The following ABCA6 variants were observed in gnomAD, a reference collection of about 807,000 sequenced individuals.
ABCA6 encodes ATP binding cassette subfamily A member 6.
In ABCA6, 164 loss-of-function variants were observed where a neutral mutation model predicts 191.2. That is an observed-to-expected ratio of 0.86 (90% CI 0.76 to 0.98). The LOEUF (loss-of-function observed/expected upper bound fraction) is 0.98, where lower values mean the gene tolerates loss of function less well. Among genes scored for constraint, ABCA6 ranks in the 50% least tolerant of loss-of-function variants. The pLI is 0.00. For missense variants in ABCA6, 1,958 were observed against 1,894.1 expected, an observed-to-expected ratio of 1.03 and a Z score of -0.63; for synonymous variants, 636 against 647.7, an observed-to-expected ratio of 0.98 and a Z score of 0.27.
At position 69,085,718 on chromosome 17, in the gene ABCA6, T is replaced by C; in HGVS notation, c.3938-2A>G. 6.3e-7 allele frequency: 1 copy of C among 1,582,938 alleles called. No homozygotes were observed. The highest frequency in any genetic ancestry group is 8.7e-7 in the Non-Finnish European group (1 of 1,154,160). ...GTCCTAGCAATCCCAAAATTTCACC[T>C]GAAAGAAAGAATCAGACTATCAATA... On this transcript the variant is annotated splice_acceptor_variant, in intron 30 of 38. Coordinates refer to ENST00000284425, the MANE Select transcript of ABCA6 (RefSeq NM_080284.3). LOFTEE classifies it high-confidence loss of function.
chr17:69,079,046 TC>T lies in ABCA6; in HGVS notation c.4780del (p.Glu1594LysfsTer2). The T allele has an allele frequency of 6.2e-7, 1 of 1,612,154 alleles. No homozygotes were observed. Among genetic ancestry groups the T allele is most frequent in the East Asian group, 2.2e-5 (1 of 44,742 alleles). On this transcript the variant is annotated frameshift_variant, in exon 39 of 39. Transcript: ENST00000284425. LOFTEE classifies it low-confidence loss of function (END_TRUNC). The part of the protein sequence containing the change: ...KVFLELSKEQ[E>X]VGNFDEEIDT... ...AATTTCTTCATCAAAATTTCCTACT[TC>T]CTGTTCTTTAGAAAGCTCTAAGAAT...
At chr17:69,132,967 T>C (rs1446331587) in intron 6 of ABCA6, among the ~76,000 whole-genome samples, 1 of 152,218 alleles carries the variant, frequency 6.6e-6, no homozygotes, top group Admixed American at 6.5e-5. Flanking sequence ...ATAGCACATA[T>C]GTATGTGTAC....
intron 22 of ABCA6, 120 bp downstream of exon 22, chr17:69,100,677 G>A (rs1014948936): frequency 1.8e-6 from 2 of 1,112,414 alleles, no homozygotes; most frequent in African/African-American, 1.6e-5. Flanking sequence ...GAAAATATTA[G>A]GATAAAATAA....
rs1339138386 is a variant in ABCA6, at chr17:69,113,616, A to G, written c.1902+2T>C. ...TCCTTCCCCATGCATAATCTCACTTACTTGAGGATCTCCTAAAATGGTAAT... is the reference window on the plus strand; with the variant it reads ...TCCTTCCCCATGCATAATCTCACTTGCTTGAGGATCTCCTAAAATGGTAAT... On this transcript the variant is annotated splice_donor_variant, in intron 14 of 38. Coordinates refer to ENST00000284425, the MANE Select transcript of ABCA6 (RefSeq NM_080284.3). LOFTEE classifies it high-confidence loss of function. The G allele has an allele frequency of 1.9e-6, 3 of 1,612,880 alleles. No individual in the cohort carries two copies. The highest frequency in any genetic ancestry group is 2.5e-6 in the Non-Finnish European group (3 of 1,179,292).
intron 11 of ABCA6, among the ~76,000 whole-genome samples, chr17:69,117,648 C>A (rs1467437222): frequency 1.3e-5 from 2 of 151,924 alleles, no homozygotes; most frequent in Non-Finnish European, 2.9e-5. Flanking sequence ...GCAGATTAAT[C>A]TTTAAAAACA....
At chr17:69,137,950 C>T (rs1012280191) in intron 2 of ABCA6, among the ~76,000 whole-genome samples, 1 of 152,158 alleles carries the variant, frequency 6.6e-6, no homozygotes, top group Non-Finnish European at 1.5e-5. Flanking sequence ...TTGCTGTTCA[C>T]CAATGTCAAT....
Position 69,106,114 on chromosome 17 carries a change from G to A in ABCA6, c.2487C>T (p.Asp829=). Residue 829 remains aspartate, a synonymous_variant, in exon 19 of 39, where the codon GAC becomes GAT. Transcript: ENST00000284425. ...SFSEMQTAVS[D]MGLWRMQVFA... is the part of the protein sequence containing the mutation. ...AGACTTGCATTCTCCAGAGGCCCATGTCACTCACAGCTGTCTGCATTTCAG... is the reference window on the plus strand; with the variant it reads ...AGACTTGCATTCTCCAGAGGCCCATATCACTCACAGCTGTCTGCATTTCAG... 1.2e-6 allele frequency: 2 copies of A among 1,613,904 alleles called. No individual in the cohort carries two copies. Among genetic ancestry groups the A allele is most frequent in the Non-Finnish European group, 1.7e-6 (2 of 1,179,884 alleles).
At chr17:69,118,517 T>C (rs1370909369) in intron 10 of ABCA6, among the ~76,000 whole-genome samples, 1 of 152,030 alleles carries the variant, frequency 6.6e-6, no homozygotes, top group East Asian at 1.9e-4. Context: ...TCCTCTTCAA[T>C]TGCACTCTGA....
At chr17:69,105,067 A>G (rs1425905374) in intron 20 of ABCA6, 3 of 177,434 alleles carry the variant, frequency 1.7e-5, no homozygotes, top group Non-Finnish European at 1.2e-5. Context: ...ATGAAGGGGC[A>G]TGGGGAATAG....
intron 32 of ABCA6, 53 bp downstream of exon 32, chr17:69,084,975 T>C (rs1301415422): frequency 1.9e-6 from 3 of 1,551,900 alleles, no homozygotes; most frequent in African/African-American, 2.8e-5. Flanking sequence ...TCATCATCAG[T>C]GCTACAGTCT....
chr17:69,123,698 A>G (rs953273517), intron 9 of ABCA6, among the ~76,000 whole-genome samples: 11 of 152,202 alleles, frequency 7.2e-5, no homozygotes, highest in Admixed American at 3.9e-4. Flanking sequence ...TTCGAATAAA[A>G]TATTAGGTGT....
At chr17:69,114,105 A>C (rs2073487601) in intron 13 of ABCA6, among the ~76,000 whole-genome samples, 1 of 152,176 alleles carries the variant, frequency 6.6e-6, no homozygotes, top group African/African-American at 2.4e-5. Context: ...CTATAAAGAC[A>C]CATGCACACG....
chr17:69,090,383 C>CAAAA (rs1228207279), intron 26 of ABCA6, among the ~76,000 whole-genome samples: 2 of 152,220 alleles, frequency 1.3e-5, no homozygotes, highest in Non-Finnish European at 2.9e-5. Flanking sequence ...TGCCTCCTGG[C>CAAAA]TTTTCCTGCT....
chr17:69,105,404 T>G (rs2073275236), intron 20 of ABCA6, 58 bp downstream of exon 20: 21 of 1,434,692 alleles, frequency 1.5e-5, no homozygotes, highest in East Asian at 2.5e-5. Context: ...CCACCTCCTG[T>G]GCTATTCAAC....
intron 6 of ABCA6, among the ~76,000 whole-genome samples, chr17:69,130,391 T>C (rs1047869515): frequency 2.6e-5 from 4 of 152,044 alleles, no homozygotes; most frequent in Non-Finnish European, 5.9e-5. Flanking sequence ...CGTTGGTACC[T>C]ACGTGTTAGG....
At chr17:69,110,282 T>C (rs1216368547) in intron 17 of ABCA6, 1 of 152,572 alleles carries the variant, frequency 6.6e-6, no homozygotes, top group Admixed American at 6.5e-5. Context: ...ACACCTCTTC[T>C]GCATTCACCT....
intron 2 of ABCA6, among the ~76,000 whole-genome samples, chr17:69,139,465 G>A: frequency 6.6e-6 from 1 of 152,174 alleles, no homozygotes; most frequent in Admixed American, 6.5e-5. Flanking sequence ...TGGAGAGGAT[G>A]TGGAGAAATA....
intron 18 of ABCA6, 65 bp from the exon 19 acceptor site, chr17:69,106,276 G>A (rs566595446): frequency 7.0e-7 from 1 of 1,428,218 alleles, no homozygotes; most frequent in Admixed American, 2.3e-5. Flanking sequence ...AGGCATCACA[G>A]ATTTTCCTTA....
rs566663943 is a variant in ABCA6 at position 69,092,729 on chromosome 17, C to A, written c.3409-1467G>T. Reference sequence around the variant, plus strand: ...AGAAACATTGCCTACACTGTCCTTCCAAATGGATCCCAGATCACCAAAGGA... The same window carrying A: ...AGAAACATTGCCTACACTGTCCTTCAAAATGGATCCCAGATCACCAAAGGA... On this transcript the variant is annotated intron_variant, in intron 25 of 38. Transcript: ENST00000284425. 3.3e-5 allele frequency among the ~76,000 whole-genome samples: 5 copies of A among 152,254 alleles called. No homozygotes were observed. The South Asian group carries it at 1.0e-3, about 32-fold the overall frequency.
Sources: allele counts gnomAD v4.1 joint callset (sites outside exome capture counted in the v4.1 genomes callset), GRCh38; gene constraint gnomAD v4.1.1; transcripts MANE v1.5; gene names NCBI Gene and HGNC (gene_info 2026-07-23, HGNC 2026-07-21).